Variants in FSTL4 observed in about 807,000 individuals in gnomAD.
FSTL4 encodes the protein follistatin-related protein 4.
A neutral mutation model predicts 78.2 loss-of-function variants in FSTL4; 28 were observed. The observed-to-expected ratio is 0.36, with a 90% CI of 0.27 to 0.49. FSTL4 has a LOEUF of 0.49. Ranked by LOEUF, FSTL4 falls within the 20% of genes least tolerant of loss-of-function variation. FSTL4 has a pLI of 0.98. For missense variants in FSTL4, 922 were observed against 1,084.9 expected (o/e 0.85, Z 2.11); for synonymous variants, 422 against 440.5 (o/e 0.96, Z 0.53).
chr5:133,497,360 T>A (rs1298805146), intron 3 of FSTL4, among the ~76,000 whole-genome samples: 1 of 152,230 alleles, frequency 6.6e-6, no homozygotes, highest in Non-Finnish European at 1.5e-5. Flanking sequence ...GCCTATCTCA[T>A]AGAGGGGTTG....
intron 3 of FSTL4, among the ~76,000 whole-genome samples, chr5:133,466,178 A>G (rs904167946): frequency 3.3e-5 from 5 of 152,226 alleles, no homozygotes; most frequent in African/African-American, 1.2e-4. Flanking sequence ...TGATGAGCCA[A>G]TCCATCAATC....
chr5:133,307,501 G>A (rs988148757), intron 6 of FSTL4, among the ~76,000 whole-genome samples: 1 of 152,208 alleles, frequency 6.6e-6, no homozygotes, highest in Non-Finnish European at 1.5e-5. Context: ...CTTCATCTGT[G>A]AAACTGGACA....
the FSTL4 span, among the ~76,000 whole-genome samples, chr5:133,837,063 G>A: frequency 2.6e-5 from 4 of 151,890 alleles, no homozygotes; most frequent in Admixed American, 6.6e-5. Context: ...CTCCAGTTAC[G>A]CATGTTAGAC....
intron 6 of FSTL4, among the ~76,000 whole-genome samples, chr5:133,296,713 T>C (rs759360474): frequency 6.6e-6 from 1 of 152,212 alleles, no homozygotes; most frequent in Non-Finnish European, 1.5e-5. Flanking sequence ...CCCTCTGTGT[T>C]GCTGTTCTCA....
chr5:133,315,390 C>G (rs1315500759), intron 5 of FSTL4, among the ~76,000 whole-genome samples: 3 of 152,236 alleles, frequency 2.0e-5, no homozygotes, highest in Admixed American at 1.3e-4. Flanking sequence ...ACAACGAACT[C>G]TTCTGTGTTT....
chr5:133,395,681 T>G (rs188615110), intron 4 of FSTL4, among the ~76,000 whole-genome samples: 2 of 152,084 alleles, frequency 1.3e-5, no homozygotes, highest in African/African-American at 4.8e-5. Flanking sequence ...GATCCCATAA[T>G]CACTTGCTCT....
intron 4 of FSTL4, among the ~76,000 whole-genome samples, chr5:133,385,001 C>G (rs1296428133): frequency 1.3e-5 from 2 of 152,172 alleles, no homozygotes; most frequent in African/African-American, 4.8e-5. Context: ...CAGATGGCAC[C>G]CCCTTTTGGA....
Position 133,400,899 on chromosome 5 carries a change from C to T in FSTL4, c.248G>A (p.Gly83Glu), listed in dbSNP as rs537720823. Residue 83 changes from glycine to glutamate, a missense_variant, in exon 4 of 16, where the codon GGG becomes GAG. Coordinates refer to ENST00000265342, the MANE Select transcript of FSTL4 (RefSeq NM_015082.2). ...CTCCAGGCACTGGCATTCGGGCTCC[C>T]CTGTCTTCCTGCTGAGCACGCACCG... ...GSRCVLSRKT[G>E]EPECQCLEAC... 12 of 1,613,838 alleles carry T rather than the reference C, an allele frequency of 7.4e-6. No homozygotes were observed. In the East Asian group the frequency reaches 1.8e-4, roughly 24 times the overall value.
At chr5:133,642,780 T>G in the FSTL4 span, among the ~76,000 whole-genome samples, 311 of 152,288 alleles carry the variant, frequency 2.0e-3, 1 homozygote, top group African/African-American at 7.0e-3. Flanking sequence ...AATAAGAAAT[T>G]TAAATGTTGA....
the FSTL4 span, among the ~76,000 whole-genome samples, chr5:133,711,809 C>T: frequency 2.0e-5 from 3 of 152,180 alleles, no homozygotes; most frequent in Non-Finnish European, 4.4e-5. Context: ...CCTTCCAAGG[C>T]CCAACCATGG....
intron 3 of FSTL4, among the ~76,000 whole-genome samples, chr5:133,517,447 A>AAAAAAAAAAATATATATATATAT (rs1554068019): frequency 6.1e-5 from 1 of 16,416 alleles, no homozygotes; most frequent in African/African-American, 2.8e-4. Flanking sequence ...AAAAAAAAAA[A>AAAAAAAAAAATATATATATATAT]ATATATATAT....
At chr5:133,730,484 G>A in the FSTL4 span, among the ~76,000 whole-genome samples, 7 of 152,272 alleles carry the variant, frequency 4.6e-5, no homozygotes, top group South Asian at 8.3e-4. Flanking sequence ...ACAGCTGCAC[G>A]ATGATGGGAA....
chr5:133,771,837 A>G, the FSTL4 span, among the ~76,000 whole-genome samples: 1 of 152,200 alleles, frequency 6.6e-6, no homozygotes, highest in African/African-American at 2.4e-5. Flanking sequence ...TGAAGATCAG[A>G]TGAACCTGCA....
At chr5:133,413,210 T>C (rs1465361301) in intron 3 of FSTL4, among the ~76,000 whole-genome samples, 1 of 152,188 alleles carries the variant, frequency 6.6e-6, no homozygotes, top group African/African-American at 2.4e-5. Context: ...ATGACAATAC[T>C]GTATATTGTG....
rs143542190 is a variant in FSTL4 at position 133,500,586 on chromosome 5, G to A, written c.160+66600C>T. Among the ~76,000 whole-genome samples, 531 of 151,980 alleles carry A rather than the reference G, an allele frequency of 3.5e-3. 2 individuals carry two copies. The highest frequency in any genetic ancestry group is 0.012 in the African/African-American group (502 of 41,434). ...TCTAGGGGTGTCATGTCATCTTGGGGGTACAAAAATCAACACACATACCCA... is the reference window on the plus strand; with the variant it reads ...TCTAGGGGTGTCATGTCATCTTGGGAGTACAAAAATCAACACACATACCCA... On this transcript the variant is annotated intron_variant, in intron 3 of 15. Transcript: ENST00000265342.
rs533067502 is a variant in FSTL4 at position 133,320,843 on chromosome 5, C to T, written c.410-4191G>A. Among the ~76,000 whole-genome samples the T allele has an allele frequency of 6.6e-5, 10 of 151,684 alleles. No homozygotes were observed. In the South Asian group the frequency reaches 1.0e-3, roughly 16 times the overall value. ...TAACACGGTGAAACCCCGTCTCTACCAAAAATACAAAAAATTAGCCAGGCA... is the reference window on the plus strand; with the variant it reads ...TAACACGGTGAAACCCCGTCTCTACTAAAAATACAAAAAATTAGCCAGGCA... On this transcript the variant is annotated intron_variant, in intron 4 of 15. Transcript: ENST00000265342.
At chr5:133,339,383 G>T (rs975321394) in intron 4 of FSTL4, among the ~76,000 whole-genome samples, 2 of 152,136 alleles carry the variant, frequency 1.3e-5, no homozygotes, top group African/African-American at 4.8e-5. Flanking sequence ...GGAGGGCTTT[G>T]GGTCTTAGCT....
intron 4 of FSTL4, among the ~76,000 whole-genome samples, chr5:133,350,728 T>C (rs1306904032): frequency 6.6e-6 from 1 of 152,208 alleles, no homozygotes; most frequent in Non-Finnish European, 1.5e-5. Context: ...TCTCAGTTCA[T>C]CATTCTGCCA....
At chr5:133,457,015 T>C (rs953585674) in intron 3 of FSTL4, among the ~76,000 whole-genome samples, 1 of 152,126 alleles carries the variant, frequency 6.6e-6, no homozygotes, top group Non-Finnish European at 1.5e-5. Flanking sequence ...TGAGATTCCA[T>C]TCCTCTGACC....
Sources: allele counts gnomAD v4.1 joint callset (sites outside exome capture counted in the v4.1 genomes callset), GRCh38; gene constraint gnomAD v4.1.1; transcripts MANE v1.5; gene names NCBI Gene and HGNC (gene_info 2026-07-23, HGNC 2026-07-21).